The following LRRC4C variants were observed in gnomAD, a reference collection of about 807,000 sequenced individuals.
The protein encoded by LRRC4C is leucine rich repeat containing 4C.
In LRRC4C, 5 loss-of-function variants were observed where a neutral mutation model predicts 33.6. That is an observed-to-expected ratio of 0.15 (90% CI 0.08 to 0.31). The LOEUF (loss-of-function observed/expected upper bound fraction) is 0.31, where lower values mean the gene tolerates loss of function less well. LRRC4C is among the 10% of genes least tolerant of loss of function. LRRC4C has a pLI of 1.00. For missense variants in LRRC4C, 560 were observed against 796.7 expected (o/e 0.70, Z 3.58); for synonymous variants, 329 against 302.0 (o/e 1.09, Z -0.93).
chr11:40,292,486 A>G (rs1440865207), intron 4 of LRRC4C: 1 of 152,144 alleles, frequency 6.6e-6, no homozygotes, highest in Non-Finnish European at 1.5e-5. Context: ...GGGAAATTCA[A>G]AAAGAAAAGA....
chr11:40,441,928 C>A (rs565742038), intron 3 of LRRC4C, among the ~76,000 whole-genome samples: 271 of 152,120 alleles, frequency 1.8e-3, no homozygotes, highest in Non-Finnish European at 2.9e-3. Flanking sequence ...TTTGGGAGGC[C>A]GAGGCGGGTG....
chr11:40,258,311 A>C (rs751951061), intron 4 of LRRC4C, among the ~76,000 whole-genome samples: 3 of 152,142 alleles, frequency 2.0e-5, no homozygotes, highest in Non-Finnish European at 2.9e-5. Context: ...CACCTCAAAA[A>C]ACAATTTCAG....
intron 1 of LRRC4C, among the ~76,000 whole-genome samples, chr11:41,388,200 G>A (rs1953437352): frequency 6.6e-6 from 1 of 151,778 alleles, no homozygotes; most frequent in Non-Finnish European, 1.5e-5. Flanking sequence ...GAATAGACAT[G>A]AATAATATAC....
chr11:40,358,702 G>A (rs538069883), intron 3 of LRRC4C, among the ~76,000 whole-genome samples: 59 of 152,168 alleles, frequency 3.9e-4, no homozygotes, highest in African/African-American at 1.4e-3. Flanking sequence ...TTTCCAAAAT[G>A]TGTGTGCACC....
intron 1 of LRRC4C, among the ~76,000 whole-genome samples, chr11:41,407,178 A>T (rs1954274557): frequency 6.6e-6 from 1 of 152,100 alleles, no homozygotes; most frequent in Non-Finnish European, 1.5e-5. Context: ...TCTTATTGCT[A>T]TTTGACTAAC....
chr11:41,089,850 T>C (rs1279345251), intron 1 of LRRC4C, among the ~76,000 whole-genome samples: 1 of 152,038 alleles, frequency 6.6e-6, no homozygotes, highest in Non-Finnish European at 1.5e-5. Context: ...AAGAAAAATA[T>C]AGATTTCTAA....
chr11:40,631,020 T>C (rs1280731763), intron 3 of LRRC4C, among the ~76,000 whole-genome samples: 1 of 152,154 alleles, frequency 6.6e-6, no homozygotes, highest in Non-Finnish European at 1.5e-5. Context: ...AAATCAAAGT[T>C]AGCCCTTTTA....
intron 1 of LRRC4C, among the ~76,000 whole-genome samples, chr11:41,267,536 A>G (rs1345416302): frequency 6.6e-6 from 1 of 152,158 alleles, no homozygotes; most frequent in Non-Finnish European, 1.5e-5. Context: ...TAACCAGTAA[A>G]TGATAACAAA....
At chr11:40,159,289 A>C (rs1001974524) in intron 5 of LRRC4C, among the ~76,000 whole-genome samples, 11 of 152,146 alleles carry the variant, frequency 7.2e-5, no homozygotes, top group African/African-American at 2.4e-4. Flanking sequence ...GGCATTTTGA[A>C]GGGTTTATTT....
In LRRC4C at chr11:40,431,006, G is replaced by A. The variant is rs1015181521; in HGVS notation, c.-269-111285C>T. Among the ~76,000 whole-genome samples, 35 of 146,798 alleles carry A rather than the reference G, an allele frequency of 2.4e-4. No homozygotes were observed. In the South Asian group the frequency reaches 7.4e-3, roughly 31 times the overall value. On this transcript the variant is annotated intron_variant, in intron 3 of 6. Coordinates refer to ENST00000528697, the MANE Select transcript of LRRC4C (RefSeq NM_001258419.2). Reference sequence around the variant, plus strand: ...AGATATACCTAATGCTAGATGAGGAGTTAGTGGGTGCAGCGCACCAGCATG... The same window carrying A: ...AGATATACCTAATGCTAGATGAGGAATTAGTGGGTGCAGCGCACCAGCATG...
At chr11:41,436,498 A>G (rs191104891) in intron 1 of LRRC4C, among the ~76,000 whole-genome samples, 3 of 152,344 alleles carry the variant, frequency 2.0e-5, no homozygotes, top group African/African-American at 7.2e-5. Flanking sequence ...CAAAGAGGCT[A>G]CACAAATTCT....
intron 3 of LRRC4C, among the ~76,000 whole-genome samples, chr11:40,439,872 C>T (rs1439003261): frequency 6.6e-6 from 1 of 152,190 alleles, no homozygotes; most frequent in Non-Finnish European, 1.5e-5. Context: ...GTGGGAAAGC[C>T]TCAAGCAGCA....
At chr11:40,893,902 T>A (rs1955826661) in intron 2 of LRRC4C, among the ~76,000 whole-genome samples, 1 of 152,056 alleles carries the variant, frequency 6.6e-6, no homozygotes, top group Non-Finnish European at 1.5e-5. Context: ...TATCTAAGTT[T>A]TGAAATCTGA....
intron 1 of LRRC4C, among the ~76,000 whole-genome samples, chr11:41,229,959 T>G (rs551414768): frequency 1.3e-5 from 2 of 152,198 alleles, no homozygotes; most frequent in South Asian, 4.1e-4. Flanking sequence ...TGAAGTAAAT[T>G]TTTCTATATT....
intron 5 of LRRC4C, among the ~76,000 whole-genome samples, chr11:40,206,531 C>T (rs1025824717): frequency 6.6e-6 from 1 of 152,134 alleles, no homozygotes. Context: ...AGTGAGCCAC[C>T]GCACCTGGCC....
intron 2 of LRRC4C, among the ~76,000 whole-genome samples, chr11:40,886,719 T>A (rs1303284011): frequency 6.6e-6 from 1 of 151,860 alleles, no homozygotes; most frequent in East Asian, 1.9e-4. Flanking sequence ...AGTCAAGATA[T>A]TCAAGCACTA....
intron 1 of LRRC4C, among the ~76,000 whole-genome samples, chr11:41,131,995 C>T (rs11036250): frequency 5.3e-5 from 8 of 152,124 alleles, no homozygotes; most frequent in Non-Finnish European, 8.8e-5. Context: ...TGTAAATATA[C>T]TCAGTTGAGC....
chr11:40,161,474 C>T (rs1039020596), intron 5 of LRRC4C, among the ~76,000 whole-genome samples: 6 of 152,092 alleles, frequency 3.9e-5, no homozygotes, highest in Admixed American at 3.3e-4. Flanking sequence ...TTAGAGGAGG[C>T]CGGGCACGGT....
chr11:41,160,536 A>G (rs1944423569), intron 1 of LRRC4C, among the ~76,000 whole-genome samples: 1 of 152,166 alleles, frequency 6.6e-6, no homozygotes, highest in African/African-American at 2.4e-5. Flanking sequence ...CTTAAGGACA[A>G]TGGCCATGCA....
Sources: allele counts gnomAD v4.1 joint callset (sites outside exome capture counted in the v4.1 genomes callset), GRCh38; gene constraint gnomAD v4.1.1; transcripts MANE v1.5; gene names NCBI Gene and HGNC (gene_info 2026-07-23, HGNC 2026-07-21).